Variants in FRAS1 observed in about 807,000 individuals in gnomAD.
FRAS1 encodes Fraser extracellular matrix complex subunit 1, also known as extracellular matrix organizing protein FRAS1.
FRAS1 carries 290 observed loss-of-function variants against 435.2 expected under a neutral mutation model. That is an observed-to-expected ratio of 0.67 (90% CI 0.61 to 0.73). FRAS1 has a LOEUF of 0.73. Among genes scored for constraint, FRAS1 ranks in the 30% least tolerant of loss-of-function variants. The probability of loss-of-function intolerance (pLI) is 0.00; values close to 1 mark genes in which losing one functional copy is unlikely to be tolerated. For missense variants in FRAS1, 4,860 were observed against 5,001.5 expected (o/e 0.97, Z 0.85); for synonymous variants, 1,800 against 1,851.0 (o/e 0.97, Z 0.71).
At chr4:78,533,977 AG>A (rs1721802498) in intron 70 of FRAS1, among the ~76,000 whole-genome samples, 1 of 152,186 alleles carries the variant, frequency 6.6e-6, no homozygotes, top group Non-Finnish European at 1.5e-5. Context: ...GAAGGGGCTC[AG>A]GAAGAAGGCT....
intron 14 of FRAS1, among the ~76,000 whole-genome samples, chr4:78,303,989 G>A (rs1345921806): frequency 1.3e-5 from 2 of 151,626 alleles, no homozygotes; most frequent in Non-Finnish European, 2.9e-5. Context: ...ATTGGCTGTG[G>A]GTTTGTCATA....
chr4:78,403,899 A>G (rs963101829), intron 30 of FRAS1, among the ~76,000 whole-genome samples: 1 of 152,210 alleles, frequency 6.6e-6, no homozygotes, highest in African/African-American at 2.4e-5. Flanking sequence ...TAACTGTTAA[A>G]TATCTCATGT....
chr4:78,205,381 G>A (rs931020504), intron 2 of FRAS1, among the ~76,000 whole-genome samples: 3 of 151,752 alleles, frequency 2.0e-5, no homozygotes, highest in African/African-American at 7.3e-5. Context: ...TTTTGTAGAG[G>A]GAGGATCTCA....
intron 2 of FRAS1, among the ~76,000 whole-genome samples, chr4:78,133,914 T>C (rs1719800554): frequency 6.6e-6 from 1 of 151,900 alleles, no homozygotes; most frequent in African/African-American, 2.4e-5. Context: ...AGTATATACC[T>C]ATGGTTTTAA....
At position 78,206,047 on chromosome 4, in the gene FRAS1, C is replaced by T. The variant is rs150001535; in HGVS notation, c.109-31463C>T. On this transcript the variant is annotated intron_variant, in intron 2 of 73. Coordinates refer to ENST00000512123, the MANE Select transcript of FRAS1 (RefSeq NM_025074.7). ...ATGCTACCTGTGACAGGGTGAGTAA[C>T]GGCCCCAAGTTGTTCATATCTCAAT... Among the ~76,000 whole-genome samples the T allele has an allele frequency of 4.0e-3, 605 of 152,116 alleles. 4 individuals carry two copies. Among genetic ancestry groups the T allele is most frequent in the African/African-American group, 0.014 (567 of 41,478 alleles).
chr4:78,210,469 G>A (rs999587381), intron 2 of FRAS1, among the ~76,000 whole-genome samples: 3 of 152,220 alleles, frequency 2.0e-5, no homozygotes, highest in Non-Finnish European at 2.9e-5. Flanking sequence ...CTGGTGCATA[G>A]TGAGTAGACA....
At chr4:78,356,857 A>G (rs1210828961) in intron 20 of FRAS1, among the ~76,000 whole-genome samples, 7 of 152,164 alleles carry the variant, frequency 4.6e-5, no homozygotes, top group Admixed American at 4.6e-4. Flanking sequence ...CTTGGTAAAT[A>G]AACTGAAAAA....
intron 13 of FRAS1, among the ~76,000 whole-genome samples, chr4:78,285,183 T>C (rs778713702): frequency 1.4e-4 from 21 of 151,966 alleles, no homozygotes; most frequent in Non-Finnish European, 2.5e-4. Context: ...TGACTTATGA[T>C]GTTAATTATC....
At chr4:78,520,673 G>A (rs1721358710) in intron 67 of FRAS1, among the ~76,000 whole-genome samples, 2 of 152,034 alleles carry the variant, frequency 1.3e-5, no homozygotes, top group South Asian at 4.1e-4. Context: ...TATTGTTTAG[G>A]AAATAATGAC....
intron 2 of FRAS1, among the ~76,000 whole-genome samples, chr4:78,232,774 G>A (rs1724572673): frequency 6.6e-6 from 1 of 152,104 alleles, no homozygotes; most frequent in South Asian, 2.1e-4. Flanking sequence ...AGATATTTTT[G>A]TGTGGGTAAA....
chr4:78,312,649 A>C (rs1476174148), intron 15 of FRAS1, among the ~76,000 whole-genome samples: 1 of 151,846 alleles, frequency 6.6e-6, no homozygotes, highest in Non-Finnish European at 1.5e-5. Context: ...CAATATAGTG[A>C]GACCTCATCT....
At chr4:78,424,587 G>C (rs1733928718) in intron 35 of FRAS1, among the ~76,000 whole-genome samples, 167 bp downstream of exon 35, 1 of 152,012 alleles carries the variant, frequency 6.6e-6, no homozygotes, top group Non-Finnish European at 1.5e-5. Context: ...CAAATGGTTA[G>C]TTAAATAGTA....
chr4:78,112,380 G>A (rs979620066), intron 2 of FRAS1, among the ~76,000 whole-genome samples: 2 of 152,034 alleles, frequency 1.3e-5, no homozygotes, highest in Non-Finnish European at 2.9e-5. Context: ...TAGATCTGGA[G>A]ATTCATGAGT....
rs1450559652 is a variant in FRAS1, at chr4:78,450,251, G to A, written c.6375G>A (p.Gly2125=). The A allele has an allele frequency of 2.5e-6, 4 of 1,613,636 alleles. No homozygotes were observed. In the East Asian group the frequency reaches 8.9e-5, roughly 36 times the overall value. The change falls in exon 45 of 74, where the codon GGG becomes GGA. Residue 2125 remains glycine, a synonymous_variant. Transcript: ENST00000512123. ...MYIMKEDPGA[G]RLQMMKHGNL... ...TCATGAAGGAAGATCCTGGTGCAGG[G>A]CGCCTGCAGATGATGAAGCATGGCA...
At chr4:78,487,934 A>G (rs1720221167) in intron 58 of FRAS1, among the ~76,000 whole-genome samples, 1 of 152,336 alleles carries the variant, frequency 6.6e-6, no homozygotes, top group South Asian at 2.1e-4. Flanking sequence ...GTTTTTAACC[A>G]TGATTTGACT....
At chr4:78,061,095 C>A (rs1739741339) in intron 1 of FRAS1, among the ~76,000 whole-genome samples, 1 of 152,142 alleles carries the variant, frequency 6.6e-6, no homozygotes, top group South Asian at 2.1e-4. Flanking sequence ...GAACTGCCTG[C>A]CTTGGCCTTT....
intron 2 of FRAS1, among the ~76,000 whole-genome samples, chr4:78,187,532 A>T (rs534189267): frequency 6.6e-6 from 1 of 152,256 alleles, no homozygotes; most frequent in Admixed American, 6.5e-5. Flanking sequence ...TAAAATTAAG[A>T]CTATTGCCCC....
In FRAS1 at chr4:78,364,011, C is replaced by T; in HGVS notation, c.2679C>T (p.Thr893=). 1 of 1,605,012 alleles carries T rather than the reference C, an allele frequency of 6.2e-7. No individual in the cohort carries two copies. Among genetic ancestry groups the T allele is most frequent in the South Asian group, 1.1e-5 (1 of 89,342 alleles). The change falls in exon 22 of 74, where the codon ACC becomes ACT. Residue 893 remains threonine, a synonymous_variant. Transcript: ENST00000512123. ...VLSHTGTCST[T]CFPGHYLDDN... is the part of the protein sequence containing the mutation. ...CCCACACTGGCACCTGCAGCACCAC[C>T]TGCTTCCCTGGGCACTATCTTGATG...
intron 38 of FRAS1, among the ~76,000 whole-genome samples, chr4:78,437,554 A>G (rs1038961890): frequency 6.6e-6 from 1 of 152,222 alleles, no homozygotes; most frequent in African/African-American, 2.4e-5. Flanking sequence ...CTGAACTACT[A>G]ACTTTGATAG....
Sources: gnomAD v4.1 joint callset for allele counts (sites outside exome capture counted in the v4.1 genomes callset) on GRCh38, gnomAD v4.1.1 for gene constraint, MANE v1.5 for transcripts, NCBI Gene and HGNC (gene_info 2026-07-23, HGNC 2026-07-21) for gene names.